The following AHNAK variants were observed in gnomAD, a reference collection of about 807,000 sequenced individuals.
AHNAK encodes neuroblast differentiation-associated protein AHNAK.
In AHNAK, 23 loss-of-function variants were observed where a neutral mutation model predicts 37.8. The observed-to-expected ratio is 0.61, with a 90% CI of 0.44 to 0.86. The LOEUF (loss-of-function observed/expected upper bound fraction) is 0.86, where lower values mean the gene tolerates loss of function less well. AHNAK is among the 40% of genes least tolerant of loss of function. AHNAK has a pLI of 0.00. For missense variants in AHNAK, 7,411 were observed against 7,319.4 expected (o/e 1.01, Z -0.46); for synonymous variants, 2,481 against 2,636.3 (o/e 0.94, Z 1.80).
At chr11:62,498,961 C>G (rs1378749209) in intron 4 of AHNAK, among the ~76,000 whole-genome samples, 2 of 152,130 alleles carry the variant, frequency 1.3e-5, no homozygotes, top group Non-Finnish European at 2.9e-5. Context: ...GTGGGCCAGG[C>G]ACTGTTCTAG....
intron 5 of AHNAK, among the ~76,000 whole-genome samples, chr11:62,468,794 A>G (rs1040435971): frequency 6.6e-6 from 1 of 152,152 alleles, no homozygotes; most frequent in Non-Finnish European, 1.5e-5. Context: ...CTAGCTTAAA[A>G]CAAACAAAAA....
intron 1 of AHNAK, among the ~76,000 whole-genome samples, chr11:62,539,125 C>A (rs764027286): frequency 2.6e-4 from 39 of 152,176 alleles, no homozygotes; most frequent in Non-Finnish European, 4.6e-4. Context: ...GAGAAGGCTG[C>A]GACAGGAAAT....
intron 5 of AHNAK, among the ~76,000 whole-genome samples, chr11:62,460,665 C>T (rs1259369150): frequency 1.3e-5 from 2 of 152,064 alleles, no homozygotes; most frequent in African/African-American, 2.4e-5. Flanking sequence ...GAGAGCAAGC[C>T]GTGAGTTTTG....
chr11:62,532,768 C>T lies in AHNAK; in HGVS notation c.1649G>A (p.Gly550Glu), dbSNP rs527404036. ...GCCAAGCCTAGGGCCTGTCAAGGTT[C>T]CCTCTAGGTTTGGTGTCTCTATGTC... ...RVDIETPNLEGTLTGPRLGSP... is the reference protein window; with the variant it reads ...RVDIETPNLEETLTGPRLGSP... Residue 550 changes from glycine to glutamate, a missense_variant, in exon 5 of 5, where the codon GGA (glycine) becomes GAA (glutamate). Transcript: ENST00000378024. 6.2e-7 allele frequency: 1 copy of T among 1,614,034 alleles called. No individual in the cohort carries two copies. Among genetic ancestry groups the T allele is most frequent in the African/African-American group, 1.3e-5 (1 of 74,910 alleles).
intron 5 of AHNAK, among the ~76,000 whole-genome samples, chr11:62,459,149 G>C (rs1046565468): frequency 6.6e-6 from 1 of 152,080 alleles, no homozygotes; most frequent in East Asian, 1.9e-4. Context: ...CAGGTAAGAG[G>C]GTCCCCAAAG....
Position 62,527,548 on chromosome 11 carries a change from C to T in AHNAK, c.6869G>A (p.Gly2290Asp), listed in dbSNP as rs778161425. The part of the protein sequence containing the change: ...DVEVPDVSLE[G>D]PEGKLKGPKF... ...GGGGCCCTTCAGCTTCCCTTCTGGA[C>T]CTTCAAGGCTCACATCTGGGACTTC... Residue 2290 changes from glycine to aspartate, a missense_variant, in exon 5 of 5, where the codon GGT becomes GAT. Transcript: ENST00000378024. 4 of 1,612,310 alleles carry T rather than the reference C, an allele frequency of 2.5e-6. No homozygotes were observed. Among genetic ancestry groups the T allele is most frequent in the Non-Finnish European group, 8.5e-7 (1 of 1,179,568 alleles).
At chr11:62,535,277 A>T in intron 3 of AHNAK, 87 bp from the exon 4 acceptor site, 1 of 1,221,814 alleles carries the variant, frequency 8.2e-7, no homozygotes, top group Non-Finnish European at 1.2e-6. Context: ...CACTGAACTG[A>T]CTTGAACTCA....
At chr11:62,463,732 G>T (rs778651692) in intron 5 of AHNAK, among the ~76,000 whole-genome samples, 32 of 151,920 alleles carry the variant, frequency 2.1e-4, no homozygotes, top group African/African-American at 4.6e-4. Context: ...TGTTTGTTTG[G>T]TTGGTTGGTT....
At chr11:62,495,618 A>G (rs748328701) in intron 4 of AHNAK, among the ~76,000 whole-genome samples, 94 of 151,586 alleles carry the variant, frequency 6.2e-4, no homozygotes, top group Non-Finnish European at 8.5e-4. Flanking sequence ...ATGCACCTGT[A>G]GTCCCAGCTA....
intron 5 of AHNAK, among the ~76,000 whole-genome samples, chr11:62,480,258 G>A (rs969134257): frequency 6.6e-6 from 1 of 152,194 alleles, no homozygotes; most frequent in South Asian, 2.1e-4. Flanking sequence ...ATACTTTAGG[G>A]GTGGGAGGAA....
chr11:62,435,359 G>C (rs1027880771), intron 5 of AHNAK, among the ~76,000 whole-genome samples: 2 of 152,152 alleles, frequency 1.3e-5, no homozygotes, highest in Admixed American at 1.3e-4. Flanking sequence ...GCCTCTTTAA[G>C]AGGCTTGGAA....
At position 62,524,486 on chromosome 11, in the gene AHNAK, C is replaced by T. The variant is rs1315555075; in HGVS notation, c.9931G>A (p.Val3311Ile). Residue 3311 changes from valine (V) to isoleucine (I), a missense_variant, in exon 5 of 5, where the codon GTT (valine) becomes ATT (isoleucine). Val to Ile is a conservative substitution (Grantham distance 29). Transcript: ENST00000378024. ...NLKGSKLKGDVDVSGPKLEGD... is the reference protein window; with the variant it reads ...NLKGSKLKGDIDVSGPKLEGD... ...TCCAACTTGGGCCCAGAGACATCAA[C>T]ATCTCCCTTAAGCTTTGAGCCTTTC... The T allele has an allele frequency of 6.2e-7, 1 of 1,614,150 alleles. No individual in the cohort carries two copies. The highest frequency in any genetic ancestry group is 1.1e-5 in the South Asian group (1 of 91,088).
At chr11:62,493,406 A>G (rs1590628070) in intron 4 of AHNAK, among the ~76,000 whole-genome samples, 1 of 134,048 alleles carries the variant, frequency 7.5e-6, no homozygotes, top group African/African-American at 2.8e-5. Flanking sequence ...TCTCACTGCA[A>G]CCTCTGCCTC....
chr11:62,456,885 C>T (rs1938670323), intron 5 of AHNAK, among the ~76,000 whole-genome samples: 1 of 152,154 alleles, frequency 6.6e-6, no homozygotes, highest in Admixed American at 6.5e-5. Flanking sequence ...CCTTTGTCAG[C>T]AGGAATGAGC....
At chr11:62,472,709 T>G (rs544713588) in intron 5 of AHNAK, among the ~76,000 whole-genome samples, 1 of 152,122 alleles carries the variant, frequency 6.6e-6, no homozygotes, top group East Asian at 1.9e-4. Context: ...CTTAAAATAC[T>G]GTGACAGTGA....
chr11:62,467,427 G>T (rs1254002863), intron 5 of AHNAK, among the ~76,000 whole-genome samples: 3 of 152,174 alleles, frequency 2.0e-5, no homozygotes, highest in Non-Finnish European at 2.9e-5. Context: ...GCTCACGCCT[G>T]TAATCCCAGC....
intron 5 of AHNAK, among the ~76,000 whole-genome samples, chr11:62,486,700 C>T (rs534775537): frequency 3.3e-4 from 50 of 151,938 alleles, no homozygotes; most frequent in Non-Finnish European, 7.1e-4. Context: ...TACCACTGAG[C>T]TGTACACCTA....
Position 62,524,394 on chromosome 11 carries a change from A to G in AHNAK, c.10023T>C (p.Leu3341=), listed in dbSNP as rs1005639048. 6 of 1,612,312 alleles carry G rather than the reference A, an allele frequency of 3.7e-6. No individual in the cohort carries two copies. In the Admixed American group the frequency reaches 1.0e-4, roughly 27 times the overall value. ...GPEVDVSGPK[L]NIEGKSKKSR... is the part of the protein sequence containing the mutation. ...ATTTCTTTGACTTGCCTTCGATATTAAGCTTAGGACCGGAAACGTCCACTT... is the reference window on the plus strand; with the variant it reads ...ATTTCTTTGACTTGCCTTCGATATTGAGCTTAGGACCGGAAACGTCCACTT... The change falls in exon 5 of 5, where the codon CTT becomes CTC. Residue 3341 remains leucine (L), a synonymous_variant. Coordinates refer to ENST00000378024, the MANE Select transcript of AHNAK (RefSeq NM_001620.3).
Position 62,522,566 on chromosome 11 carries a change from C to T in AHNAK, c.11851G>A (p.Glu3951Lys). The T allele has an allele frequency of 6.2e-7, 1 of 1,613,100 alleles. No homozygotes were observed. Among genetic ancestry groups the T allele is most frequent in the Non-Finnish European group, 8.5e-7 (1 of 1,179,824 alleles). The change falls in exon 5 of 5, where the codon GAA becomes AAA. Residue 3951 changes from glutamate (E) to lysine (K), a missense_variant. Transcript: ENST00000378024. ...GCCTTGGGCAGGTTCACATCCACTT[C>T]TGGACCTTCTCCTTTGAAGCCAGGC... ...SMPGFKGEGP[E>K]VDVNLPKADL...
Sources: allele counts gnomAD v4.1 joint callset (sites outside exome capture counted in the v4.1 genomes callset), GRCh38; gene constraint gnomAD v4.1.1; transcripts MANE v1.5; gene names NCBI Gene and HGNC (gene_info 2026-07-23, HGNC 2026-07-21).